Variants in FRAS1 observed in about 807,000 individuals in gnomAD.
FRAS1 encodes Fraser extracellular matrix complex subunit 1.
FRAS1 carries 290 observed loss-of-function variants against 435.2 expected under a neutral mutation model. The ratio of observed to expected loss-of-function variants is 0.67; its 90% confidence interval spans 0.61 to 0.73. The LOEUF (loss-of-function observed/expected upper bound fraction) is 0.73. Ranked by LOEUF, FRAS1 falls within the 30% of genes least tolerant of loss-of-function variation. The pLI is 0.00. For synonymous variants in FRAS1, 1,800 were observed against 1,851.0 expected (o/e 0.97, Z 0.71); for missense variants, 4,860 against 5,001.5 (o/e 0.97, Z 0.85).
In FRAS1 at chr4:78,537,214, T is replaced by C. The variant is rs1721912853; in HGVS notation, c.11298+14T>C. 1 of 1,610,540 alleles carries C rather than the reference T, an allele frequency of 6.2e-7. No homozygotes were observed. The highest frequency in any genetic ancestry group is 1.7e-5 in the Admixed American group (1 of 59,320). On this transcript the variant is annotated intron_variant, in intron 72 of 73. Transcript: ENST00000512123. Reference sequence around the variant, plus strand: ...TTCCTGCTGTTGGTATGCTAAGTTCTCACTATTAGTGTTAAAGAGCAGACA... The same window carrying C: ...TTCCTGCTGTTGGTATGCTAAGTTCCCACTATTAGTGTTAAAGAGCAGACA...
At position 78,387,394 on chromosome 4, in the gene FRAS1, A is replaced by G. The variant is rs906880407; in HGVS notation, c.3668A>G (p.Asn1223Ser). Residue 1223 changes from asparagine (N) to serine (S), a missense_variant, in exon 29 of 74, where the codon AAT (asparagine) becomes AGT (serine). Asn to Ser is a conservative substitution (Grantham distance 46). Coordinates refer to ENST00000512123, the MANE Select transcript of FRAS1 (RefSeq NM_025074.7). ...FSTQAPYVLR[N>S]EVLHISRGER... Reference sequence around the variant, plus strand: ...CCACAGGCCCCCTATGTGCTGAGAAATGAAGTTCTCCACATTAGCAGAGGA... The same window carrying G: ...CCACAGGCCCCCTATGTGCTGAGAAGTGAAGTTCTCCACATTAGCAGAGGA... 4 of 1,610,454 alleles carry G rather than the reference A, an allele frequency of 2.5e-6. No individual in the cohort carries two copies. The highest frequency in any genetic ancestry group is 2.5e-6 in the Non-Finnish European group (3 of 1,177,868).
chr4:78,203,041 G>A (rs1723107761), intron 2 of FRAS1, among the ~76,000 whole-genome samples: 1 of 152,198 alleles, frequency 6.6e-6, no homozygotes, highest in African/African-American at 2.4e-5. Flanking sequence ...TAAAAGTGTT[G>A]CTTGGTACTT....
intron 2 of FRAS1, among the ~76,000 whole-genome samples, chr4:78,114,620 C>G (rs968705834): frequency 6.6e-6 from 1 of 151,326 alleles, no homozygotes; most frequent in Admixed American, 6.6e-5. Context: ...CATGATTTGG[C>G]TCTCTGTTTG....
rs753876574 is a variant in FRAS1, at chr4:78,445,650, A to G, written c.5794A>G (p.Ser1932Gly). Residue 1932 changes from serine to glycine, a missense_variant, in exon 42 of 74, where the codon AGT (serine) becomes GGT (glycine). Physicochemically the swap from Ser to Gly is moderately conservative, Grantham distance 56. Coordinates refer to ENST00000512123, the MANE Select transcript of FRAS1 (RefSeq NM_025074.7). The stretch of plus-strand genomic sequence containing the variant: ...CATTGAGCCAACCCATGATATTTTT[A>G]GTTTTTATGTGAGTGATGGAACCAG... The part of the protein sequence containing the change: ...ESIEPTHDIF[S>G]FYVSDGTSRS... The G allele has an allele frequency of 8.1e-6, 13 of 1,613,848 alleles. No individual in the cohort carries two copies. In the Admixed American group the frequency reaches 1.8e-4, roughly 23 times the overall value.
At chr4:78,183,145 A>G (rs755494835) in intron 2 of FRAS1, among the ~76,000 whole-genome samples, 1 of 152,150 alleles carries the variant, frequency 6.6e-6, no homozygotes, top group Non-Finnish European at 1.5e-5. Context: ...CAAGCCAGAT[A>G]TGGACTTGCA....
At chr4:78,284,314 C>G in intron 12 of FRAS1, 91 bp from the exon 13 acceptor site, 1 of 1,107,480 alleles carries the variant, frequency 9.0e-7, no homozygotes, top group South Asian at 1.3e-5. Flanking sequence ...CTATGTAATG[C>G]TACATACTTT....
chr4:78,364,804 T>C (rs6837091), intron 22 of FRAS1, among the ~76,000 whole-genome samples: 25,436 of 152,218 alleles, frequency 0.17, 2,733 homozygotes, highest in East Asian at 0.34. Context: ...TTGAAAATGA[T>C]GGTTAACAAA....
At chr4:78,346,287 T>G (rs1275805055) in intron 20 of FRAS1, among the ~76,000 whole-genome samples, 6 of 152,246 alleles carry the variant, frequency 3.9e-5, no homozygotes, top group African/African-American at 1.4e-4. Flanking sequence ...ACACTCATTG[T>G]GTGCCAGTTC....
intron 1 of FRAS1, among the ~76,000 whole-genome samples, chr4:78,062,928 T>C (rs10518184): frequency 0.5 from 75,916 of 151,970 alleles, 20,257 homozygotes; most frequent in African/African-American, 0.69. Flanking sequence ...TGCCTTGAAA[T>C]TGGCATTGTT....
intron 2 of FRAS1, among the ~76,000 whole-genome samples, chr4:78,169,716 A>G (rs1721474192): frequency 1.3e-5 from 2 of 152,230 alleles, no homozygotes; most frequent in Non-Finnish European, 1.5e-5. Flanking sequence ...CCATTTTTCA[A>G]TGCAGTAGTA....
rs562612059 is a variant in FRAS1 at position 78,093,736 on chromosome 4, TG to T, written c.108+27721del. Among the ~76,000 whole-genome samples, 24 of 152,264 alleles carry T rather than the reference TG, an allele frequency of 1.6e-4. 1 individual carries two copies. In the South Asian group the frequency reaches 5.0e-3, roughly 32 times the overall value. ...CTGAAGATACAAAGCCAGTGAATGGTGAAAGAACATAGTTATGAAGACAAAA... is the reference window on the plus strand; with the variant it reads ...CTGAAGATACAAAGCCAGTGAATGGTAAAGAACATAGTTATGAAGACAAAA... On this transcript the variant is annotated intron_variant, in intron 2 of 73. Transcript: ENST00000512123.
intron 41 of FRAS1, chr4:78,444,158 A>G (rs965687622): frequency 1.5e-5 from 7 of 455,646 alleles, no homozygotes; most frequent in Admixed American, 7.1e-5. Flanking sequence ...CCCAGTCACT[A>G]CTTGGGCCAT....
chr4:78,103,319 A>G (rs1050514502), intron 2 of FRAS1, among the ~76,000 whole-genome samples: 1 of 152,180 alleles, frequency 6.6e-6, no homozygotes. Flanking sequence ...GAATCTCAAG[A>G]ACTGGAAATG....
intron 14 of FRAS1, among the ~76,000 whole-genome samples, chr4:78,293,272 G>T (rs1727985805): frequency 6.6e-6 from 1 of 152,224 alleles, no homozygotes; most frequent in Non-Finnish European, 1.5e-5. Context: ...GCAGGGACAT[G>T]CCGTATACTT....
At chr4:78,253,562 A>T (rs576700746) in intron 5 of FRAS1, among the ~76,000 whole-genome samples, 1 of 152,166 alleles carries the variant, frequency 6.6e-6, no homozygotes, top group South Asian at 2.1e-4. Flanking sequence ...GGGGTCCCTG[A>T]CTTCCCGCAA....
chr4:78,141,314 A>G (rs1195214119), intron 2 of FRAS1, among the ~76,000 whole-genome samples: 1 of 152,038 alleles, frequency 6.6e-6, no homozygotes, highest in Non-Finnish European at 1.5e-5. Flanking sequence ...TGTCACCTTT[A>G]TTTTAACTGA....
chr4:78,213,769 A>G (rs1723619244), intron 2 of FRAS1, among the ~76,000 whole-genome samples: 1 of 152,196 alleles, frequency 6.6e-6, no homozygotes, highest in South Asian at 2.1e-4. Flanking sequence ...TAACTCTGCA[A>G]ACACTAACTG....
intron 54 of FRAS1, 104 bp downstream of exon 54, chr4:78,475,710 G>C: frequency 2.8e-6 from 3 of 1,083,210 alleles, no homozygotes; most frequent in Non-Finnish European, 3.9e-6. Flanking sequence ...CTTTTCACTG[G>C]TGTCCTTCTT....
chr4:78,065,706 T>C (rs1192826408), intron 1 of FRAS1, among the ~76,000 whole-genome samples: 1 of 152,172 alleles, frequency 6.6e-6, no homozygotes, highest in African/African-American at 2.4e-5. Flanking sequence ...AAGAAAAATA[T>C]TTACTGTATT....
Sources: allele counts gnomAD v4.1 joint callset (sites outside exome capture counted in the v4.1 genomes callset), GRCh38; gene constraint gnomAD v4.1.1; transcripts MANE v1.5; gene names NCBI Gene and HGNC (gene_info 2026-07-23, HGNC 2026-07-21).